Variants in DMRT1 observed in about 807,000 individuals in gnomAD.
The protein encoded by DMRT1 is doublesex- and mab-3-related transcription factor 1.
Under a neutral mutation model 32.3 loss-of-function variants are expected in DMRT1, and 7 were observed. The ratio of observed to expected loss-of-function variants is 0.22; its 90% confidence interval spans 0.12 to 0.41. DMRT1 has a LOEUF of 0.41. DMRT1 is among the 10% of genes least tolerant of loss of function. The pLI is 1.00. For missense variants in DMRT1, 625 were observed against 500.5 expected (o/e 1.25, Z -2.37); for synonymous variants, 278 against 206.1 (o/e 1.35, Z -2.99).
intron 2 of DMRT1, among the ~76,000 whole-genome samples, chr9:866,427 G>C (rs940211791): frequency 6.6e-6 from 1 of 150,842 alleles, no homozygotes; most frequent in African/African-American, 2.5e-5. Context: ...GCTGAACTAG[G>C]TGTGTCACAC....
At chr9:843,592 A>C (rs533518765) in intron 1 of DMRT1, among the ~76,000 whole-genome samples, 1 of 152,328 alleles carries the variant, frequency 6.6e-6, no homozygotes, top group South Asian at 2.1e-4. Context: ...ATTTTAACGG[A>C]AAGTTAATGT....
chr9:879,598 A>G (rs1816649450), intron 2 of DMRT1, among the ~76,000 whole-genome samples: 1 of 152,206 alleles, frequency 6.6e-6, no homozygotes, highest in Non-Finnish European at 1.5e-5. Flanking sequence ...CTATTCTTTG[A>G]TACTAGACCA....
chr9:928,541 A>G (rs1818603147), intron 4 of DMRT1, among the ~76,000 whole-genome samples: 1 of 152,282 alleles, frequency 6.6e-6, no homozygotes, highest in South Asian at 2.1e-4. Flanking sequence ...AGGCAGCGAA[A>G]GAAACAATCA....
chr9:894,196 G>C lies in DMRT1; in HGVS notation c.822+1G>C. On this transcript the variant is annotated splice_donor_variant, in intron 3 of 4. Coordinates refer to ENST00000382276, the MANE Select transcript of DMRT1 (RefSeq NM_021951.3). LOFTEE classifies it high-confidence loss of function. Reference sequence around the variant, plus strand: ...TGGTCAGACAGGAAACCAGTGGCAGGTATGATATTAATTACCCAGAGAGTG... The same window carrying C: ...TGGTCAGACAGGAAACCAGTGGCAGCTATGATATTAATTACCCAGAGAGTG... The C allele has an allele frequency of 6.2e-7, 1 of 1,613,008 alleles. No homozygotes were observed. Among genetic ancestry groups the C allele is most frequent in the Non-Finnish European group, 8.5e-7 (1 of 1,180,000 alleles).
chr9:891,600 T>C (rs1817152928), intron 2 of DMRT1, among the ~76,000 whole-genome samples: 4 of 151,490 alleles, frequency 2.6e-5, no homozygotes, highest in Admixed American at 2.6e-4. Context: ...CTCCAACCTC[T>C]GTCTCCCAGG....
chr9:849,496 A>C (rs1839047761), intron 2 of DMRT1, among the ~76,000 whole-genome samples: 1 of 152,212 alleles, frequency 6.6e-6, no homozygotes, highest in African/African-American at 2.4e-5. Flanking sequence ...ATAAACCCTA[A>C]GATAGTGGAG....
chr9:954,943 C>G (rs434531), intron 4 of DMRT1, among the ~76,000 whole-genome samples: 102,432 of 152,136 alleles, frequency 0.67, 35,073 homozygotes, highest in East Asian at 0.8. Context: ...CCTGGCCGTT[C>G]GTTAGCTATT....
intron 2 of DMRT1, among the ~76,000 whole-genome samples, chr9:875,386 C>G (rs1025083230): frequency 2.6e-5 from 4 of 152,114 alleles, no homozygotes; most frequent in Non-Finnish European, 4.4e-5. Context: ...AGTCTTTGTC[C>G]TTCCCTGACA....
At position 922,887 on chromosome 9, in the gene DMRT1, A is replaced by G. The variant is rs12348273; in HGVS notation, c.967+5980A>G. 8.4e-3 allele frequency among the ~76,000 whole-genome samples: 1,284 copies of G among 152,154 alleles called. 15 individuals are homozygous for G. Among genetic ancestry groups the G allele is most frequent in the African/African-American group, 0.03 (1,239 of 41,462 alleles). ...GCGAGTTGCAGAGCATCTACATTTT[A>G]CCCAAAGGTCAGATGGCCACCGTCA... On this transcript the variant is annotated intron_variant, in intron 4 of 4. Coordinates refer to ENST00000382276, the MANE Select transcript of DMRT1 (RefSeq NM_021951.3).
At chr9:905,272 G>A (rs189636205) in intron 3 of DMRT1, among the ~76,000 whole-genome samples, 126 of 152,244 alleles carry the variant, frequency 8.3e-4, no homozygotes, top group Non-Finnish European at 1.4e-3. Context: ...TCCTGGAAGG[G>A]GTGTTCATAC....
At chr9:875,474 G>C (rs943701840) in intron 2 of DMRT1, among the ~76,000 whole-genome samples, 2 of 152,168 alleles carry the variant, frequency 1.3e-5, no homozygotes, top group Non-Finnish European at 2.9e-5. Context: ...TTTGATACTT[G>C]AGAGGTATCA....
intron 2 of DMRT1, among the ~76,000 whole-genome samples, chr9:848,208 C>A (rs1414427730): frequency 6.6e-6 from 1 of 152,196 alleles, no homozygotes; most frequent in Non-Finnish European, 1.5e-5. Flanking sequence ...ACTAAAGTCA[C>A]ACAACTATAT....
At chr9:891,687 T>C (rs946667218) in intron 2 of DMRT1, among the ~76,000 whole-genome samples, 1 of 151,594 alleles carries the variant, frequency 6.6e-6, no homozygotes, top group Non-Finnish European at 1.5e-5. Context: ...GCTAATTTTT[T>C]TTTTTTTTTG....
At chr9:930,407 A>G (rs1003354675) in intron 4 of DMRT1, among the ~76,000 whole-genome samples, 3 of 151,230 alleles carry the variant, frequency 2.0e-5, no homozygotes, top group Non-Finnish European at 4.4e-5. Flanking sequence ...TATTTTTTTT[A>G]TTAAAAAAAT....
rs1244133396 is a variant in DMRT1, at chr9:893,915, G to T, written c.542G>T (p.Gly181Val). ...ASVPTTAASEGRMVIQDIPAV... is the reference protein window; with the variant it reads ...ASVPTTAASEVRMVIQDIPAV... ...TTTCTTTTTTCTTCCAATTTAGAGG[G>T]ACGTATGGTCATCCAGGATATTCCT... Residue 181 changes from glycine (G) to valine (V), a missense_variant, in exon 3 of 5, where the codon GGA becomes GTA. Physicochemically the swap from Gly to Val is moderately radical, Grantham distance 109. Coordinates refer to ENST00000382276, the MANE Select transcript of DMRT1 (RefSeq NM_021951.3). The T allele has an allele frequency of 1.9e-6, 3 of 1,613,840 alleles. No individual in the cohort carries two copies. The South Asian group carries it at 3.3e-5, about 18-fold the overall frequency.
chr9:962,526 G>T lies in DMRT1; in HGVS notation c.968-5459G>T, dbSNP rs989936455. ...ATTTGGGGACCCACCAGCTTTCTAT[G>T]CTGTGGTCCAGGAGGGCTTGGGTGG... On this transcript the variant is annotated intron_variant, in intron 4 of 4. Transcript: ENST00000382276. Among the ~76,000 whole-genome samples the T allele has an allele frequency of 6.0e-5, 9 of 149,004 alleles. No homozygotes were observed. The East Asian group carries it at 1.8e-3, about 30-fold the overall frequency.
intron 3 of DMRT1, among the ~76,000 whole-genome samples, chr9:901,721 C>T (rs1017662642): frequency 6.6e-6 from 1 of 151,598 alleles, no homozygotes; most frequent in Non-Finnish European, 1.5e-5. Context: ...ATGATGTGCT[C>T]TGGTCACTGG....
At chr9:895,541 T>C (rs2129639614) in intron 3 of DMRT1, among the ~76,000 whole-genome samples, 1 of 152,286 alleles carries the variant, frequency 6.6e-6, no homozygotes, top group East Asian at 1.9e-4. Flanking sequence ...TTTATTGACG[T>C]ATCATGGGTA....
intron 3 of DMRT1, among the ~76,000 whole-genome samples, chr9:904,037 C>G (rs560319502): frequency 6.6e-6 from 1 of 152,190 alleles, no homozygotes; most frequent in African/African-American, 2.4e-5. Flanking sequence ...ACTCCAGGGA[C>G]TACTTCACAA....
Sources: allele counts gnomAD v4.1 joint callset (sites outside exome capture counted in the v4.1 genomes callset), GRCh38; gene constraint gnomAD v4.1.1; transcripts MANE v1.5; gene names NCBI Gene and HGNC (gene_info 2026-07-23, HGNC 2026-07-21).